The following ENOX1 variants were observed in gnomAD, a reference collection of about 807,000 sequenced individuals.
The protein encoded by ENOX1 is ecto-NOX disulfide-thiol exchanger 1.
In ENOX1, 42 loss-of-function variants were observed where a neutral mutation model predicts 82.5. That is an observed-to-expected ratio of 0.51 (90% confidence interval 0.40 to 0.66). The LOEUF (loss-of-function observed/expected upper bound fraction) is 0.66, where lower values mean the gene tolerates loss of function less well. ENOX1 is among the 30% of genes least tolerant of loss of function. The probability of loss-of-function intolerance (pLI) is 0.00; values close to 1 mark genes in which losing one functional copy is unlikely to be tolerated. For synonymous variants in ENOX1, 271 were observed against 282.2 expected, an observed-to-expected ratio of 0.96 and a Z score of 0.40; for missense variants, 608 against 811.6, an observed-to-expected ratio of 0.75 and a Z score of 3.05.
intron 14 of ENOX1, among the ~76,000 whole-genome samples, chr13:43,241,760 T>G (rs2042845273): frequency 6.6e-6 from 1 of 152,220 alleles, no homozygotes; most frequent in African/African-American, 2.4e-5. Flanking sequence ...TTTAAAAGAC[T>G]TCTTAAAGAG....
intron 2 of ENOX1, among the ~76,000 whole-genome samples, chr13:43,656,431 A>G (rs1196092221): frequency 1.3e-5 from 2 of 152,176 alleles, no homozygotes; most frequent in Non-Finnish European, 2.9e-5. Context: ...ACTATTTCCT[A>G]GGATTCTGAG....
intron 2 of ENOX1, among the ~76,000 whole-genome samples, chr13:43,652,695 C>T (rs188197664): frequency 6.4e-4 from 98 of 152,266 alleles, no homozygotes; most frequent in Admixed American, 2.0e-3. Flanking sequence ...GCAGAGAATG[C>T]TGCACTCTAG....
At chr13:43,365,040 G>A (rs2050760782) in intron 5 of ENOX1, among the ~76,000 whole-genome samples, 1 of 152,178 alleles carries the variant, frequency 6.6e-6, no homozygotes, top group Non-Finnish European at 1.5e-5. Flanking sequence ...TTTCAACTTT[G>A]CTCTCCCTGG....
At chr13:43,759,455 T>C (rs1023013819) in intron 1 of ENOX1, among the ~76,000 whole-genome samples, 3 of 152,158 alleles carry the variant, frequency 2.0e-5, no homozygotes, top group African/African-American at 7.2e-5. Flanking sequence ...CAAAGAGTCA[T>C]AGAACCTCGG....
chr13:43,284,933 GAGA>G (rs1474327624), intron 12 of ENOX1, among the ~76,000 whole-genome samples: 1 of 152,002 alleles, frequency 6.6e-6, no homozygotes, highest in Non-Finnish European at 1.5e-5. Flanking sequence ...GAAATATGTA[GAGA>G]AGGAGAGTCA....
intron 9 of ENOX1, among the ~76,000 whole-genome samples, chr13:43,341,786 A>C (rs1055713529): frequency 4.6e-5 from 7 of 152,144 alleles, no homozygotes; most frequent in African/African-American, 1.7e-4. Context: ...TGAGAACTCC[A>C]ATTTTACTCT....
rs1255134785 is a variant in ENOX1, at chr13:43,467,318, T to C, written c.-75+16691A>G. On this transcript the variant is annotated intron_variant, in intron 3 of 16. Transcript: ENST00000690772. ...ACAATTACTACATTACTATATACTA[T>C]ATTACTATATTTACTGTCTAAAAAT... 3.9e-5 allele frequency among the ~76,000 whole-genome samples: 6 copies of C among 152,316 alleles called. No homozygotes were observed. The South Asian group carries it at 1.2e-3, about 32-fold the overall frequency.
intron 6 of ENOX1, among the ~76,000 whole-genome samples, chr13:43,360,314 G>A (rs1172048141): frequency 6.6e-6 from 1 of 152,154 alleles, no homozygotes; most frequent in Non-Finnish European, 1.5e-5. Flanking sequence ...GCAAATGTTT[G>A]CATAATTTCA....
At chr13:43,335,941 G>A (rs934956216) in intron 9 of ENOX1, among the ~76,000 whole-genome samples, 8 of 152,050 alleles carry the variant, frequency 5.3e-5, no homozygotes, top group Admixed American at 1.3e-4. Context: ...AGACCAAAGA[G>A]GTATTTTTTT....
intron 9 of ENOX1, among the ~76,000 whole-genome samples, chr13:43,336,029 C>A (rs1278611280): frequency 6.6e-6 from 1 of 152,162 alleles, no homozygotes; most frequent in Non-Finnish European, 1.5e-5. Context: ...AAATAGAAAA[C>A]CTGTCACATT....
intron 2 of ENOX1, among the ~76,000 whole-genome samples, chr13:43,643,138 C>CACAAATG (rs1315758581): frequency 6.6e-6 from 1 of 152,218 alleles, no homozygotes; most frequent in East Asian, 1.9e-4. Flanking sequence ...AATGTGCAAG[C>CACAAATG]TCCCCTACTG....
chr13:43,673,980 T>C (rs2085387663), intron 1 of ENOX1, among the ~76,000 whole-genome samples: 1 of 152,178 alleles, frequency 6.6e-6, no homozygotes, highest in Non-Finnish European at 1.5e-5. Context: ...ACCCATTAAA[T>C]TCAGCAGAAA....
chr13:43,747,141 A>G (rs55845316), intron 1 of ENOX1, among the ~76,000 whole-genome samples: 5,586 of 152,232 alleles, frequency 0.037, 346 homozygotes, highest in African/African-American at 0.13. Flanking sequence ...AACCCGTACC[A>G]CTTCAGATTC....
chr13:43,249,091 A>C (rs1396755485), intron 14 of ENOX1, among the ~76,000 whole-genome samples: 1 of 152,168 alleles, frequency 6.6e-6, no homozygotes, highest in Non-Finnish European at 1.5e-5. Context: ...TTGTGGTCTC[A>C]AGCTGGCAAT....
Position 43,388,070 on chromosome 13 carries a change from C to CTGAAAATAGCAGAG in ENOX1, c.208+23832_208+23845dup, listed in dbSNP as rs552268024. On this transcript the variant is annotated intron_variant, in intron 5 of 16. Coordinates refer to ENST00000690772, the MANE Select transcript of ENOX1 (RefSeq NM_001347969.2). ...CATGAATGACATGAACAGGTCTATTCTGAAAATAGCAGAGTTGGAAAATGC... is the reference window on the plus strand; with the variant it reads ...CATGAATGACATGAACAGGTCTATTCTGAAAATAGCAGAGTGAAAATAGCAGAGTTGGAAAATGC... Among the ~76,000 whole-genome samples, 15 of 152,240 alleles carry CTGAAAATAGCAGAG rather than the reference C, an allele frequency of 9.9e-5. No individual in the cohort carries two copies. In the East Asian group the frequency reaches 1.7e-3, roughly 18 times the overall value.
chr13:43,548,807 G>A (rs1023660144), intron 2 of ENOX1, among the ~76,000 whole-genome samples: 1 of 152,136 alleles, frequency 6.6e-6, no homozygotes, highest in African/African-American at 2.4e-5. Flanking sequence ...CTAATGGAAT[G>A]TCCATGTCTC....
intron 1 of ENOX1, among the ~76,000 whole-genome samples, chr13:43,728,919 C>G (rs975534376): frequency 6.6e-6 from 1 of 152,170 alleles, no homozygotes; most frequent in Non-Finnish European, 1.5e-5. Context: ...CATTAAGAAT[C>G]TGACTGACTG....
chr13:43,233,572 T>C (rs1046807213), intron 15 of ENOX1, among the ~76,000 whole-genome samples: 1 of 152,190 alleles, frequency 6.6e-6, no homozygotes, highest in Admixed American at 6.5e-5. Context: ...GAATTGCTCA[T>C]TGTTTAGGAA....
chr13:43,230,842 G>C lies in ENOX1; in HGVS notation c.1714+5794C>G, dbSNP rs1293120877. On this transcript the variant is annotated intron_variant, in intron 15 of 16. Coordinates refer to ENST00000690772, the MANE Select transcript of ENOX1 (RefSeq NM_001347969.2). ...AGTTTAATTATATTGGTTACCCGAT[G>C]AGAATAAACTATCACTTTGTGCATT... 3.3e-5 allele frequency among the ~76,000 whole-genome samples: 5 copies of C among 152,198 alleles called. No homozygotes were observed. The South Asian group carries it at 1.0e-3, about 32-fold the overall frequency.
Sources: gnomAD v4.1 joint callset for allele counts (sites outside exome capture counted in the v4.1 genomes callset) on GRCh38, gnomAD v4.1.1 for gene constraint, MANE v1.5 for transcripts, NCBI Gene and HGNC (gene_info 2026-07-23, HGNC 2026-07-21) for gene names.